TIMP2: variants seen among roughly 807,000 people sequenced by gnomAD.
The protein encoded by TIMP2 is TIMP metallopeptidase inhibitor 2.
In TIMP2, 5 loss-of-function variants were observed where a neutral mutation model predicts 24.3. The observed-to-expected ratio is 0.21, with a 90% CI of 0.11 to 0.43. The LOEUF (loss-of-function observed/expected upper bound fraction) is 0.43. TIMP2 is among the 20% of genes least tolerant of loss of function. TIMP2 has a pLI of 1.00. For missense variants in TIMP2, 221 were observed against 297.5 expected (o/e 0.74, Z 1.89); for synonymous variants, 130 against 123.2 (o/e 1.06, Z -0.37).
intron 1 of TIMP2, among the ~76,000 whole-genome samples, chr17:78,874,316 T>A (rs1162883486): frequency 6.6e-6 from 1 of 151,984 alleles, no homozygotes; most frequent in Non-Finnish European, 1.5e-5. Flanking sequence ...CAGTGGGTAC[T>A]CACTGGTGGC....
Position 78,855,627 on chromosome 17 carries a change from GCT to G in TIMP2, c.*38_*39del. 6.2e-7 allele frequency: 1 copy of G among 1,606,946 alleles called. No homozygotes were observed. Among genetic ancestry groups the G allele is most frequent in the Non-Finnish European group, 8.5e-7 (1 of 1,177,100 alleles). On this transcript the variant is annotated 3_prime_UTR_variant, in exon 5 of 5. Transcript: ENST00000262768. The surrounding 1 kb of genome is among the most constrained non-coding windows in gnomAD (Gnocchi z 6.0). The stretch of plus-strand genomic sequence containing the variant: ...GCTGGACCAGTCGAAACCCTTGGAG[GCT>G]TTTTTTGCAGTTGGCCACAGGGGCG...
intron 3 of TIMP2, among the ~76,000 whole-genome samples, chr17:78,858,762 C>A (rs1363831201): frequency 6.6e-6 from 1 of 152,126 alleles, no homozygotes; most frequent in African/African-American, 2.4e-5. Context: ...TGCGCTCAAG[C>A]AATACCCCCA....
At chr17:78,912,452 G>A (rs2070217528) in intron 1 of TIMP2, among the ~76,000 whole-genome samples, 1 of 152,174 alleles carries the variant, frequency 6.6e-6, no homozygotes. Context: ...TGTCCCTGAA[G>A]ATGCAGTAAG....
chr17:78,911,690 A>G (rs12952509), intron 1 of TIMP2, among the ~76,000 whole-genome samples: 1 of 151,846 alleles, frequency 6.6e-6, no homozygotes, highest in African/African-American at 2.4e-5. Context: ...CTTGGCCTCC[A>G]AAAGTGCTGA....
rs2069709098 is a variant in TIMP2 at position 78,874,091 on chromosome 17, C to A, written c.131-172G>T. 19 of 553,936 alleles carry A rather than the reference C, an allele frequency of 3.4e-5. No individual in the cohort carries two copies. In the South Asian group the frequency reaches 3.4e-4, roughly 10 times the overall value. 34.3% of individuals were successfully genotyped at this position (553,936 alleles called of 1,614,324 possible). On this transcript the variant is annotated intron_variant, in intron 1 of 4. Coordinates refer to ENST00000262768, the MANE Select transcript of TIMP2 (RefSeq NM_003255.5). ...CCCAGCCCCCGGCATGGCGTCTCCTCCTCCAGGCTGAGAGATGATGCCCAG... is the reference window on the plus strand; with the variant it reads ...CCCAGCCCCCGGCATGGCGTCTCCTACTCCAGGCTGAGAGATGATGCCCAG...
intron 1 of TIMP2, among the ~76,000 whole-genome samples, chr17:78,893,240 T>G (rs2069936270): frequency 7.4e-6 from 1 of 134,764 alleles, no homozygotes; most frequent in Admixed American, 7.3e-5. Context: ...TGTGCATGTG[T>G]GTGTAGGAGT....
chr17:78,885,669 T>TGGGTGTGAG lies in TIMP2; in HGVS notation c.131-11759_131-11751dup, dbSNP rs567510999. On this transcript the variant is annotated intron_variant, in intron 1 of 4. Transcript: ENST00000262768. ...TGGTGGGAAGAGAGATGCTGGAAGC[T>TGGGTGTGAG]GGGTGTGAGGGGTGTGAGGGGTGTG... Among the ~76,000 whole-genome samples the TGGGTGTGAG allele has an allele frequency of 4.4e-3, 664 of 151,932 alleles. 6 individuals are homozygous for TGGGTGTGAG. The highest frequency in any genetic ancestry group is 0.03 in the East Asian group (153 of 5,154).
Position 78,855,936 on chromosome 17 carries a change from C to T in TIMP2, c.466-72G>A. The T allele has an allele frequency of 2.0e-6, 3 of 1,494,346 alleles. No homozygotes were observed. The South Asian group carries it at 3.4e-5, about 17-fold the overall frequency. The allele number at this position is 1,494,346 out of a possible 1,614,324, so 92.6% of individuals were successfully genotyped here. A position where few individuals can be genotyped will look rare whatever the true frequency, so the allele number is the denominator to read the frequency against. Reference sequence around the variant, plus strand: ...GGGTGGGCAGAGGCTGCTCTGGGGGCATGTCCAGAACCCGGCAATGTGCCT... The same window carrying T: ...GGGTGGGCAGAGGCTGCTCTGGGGGTATGTCCAGAACCCGGCAATGTGCCT... On this transcript the variant is annotated intron_variant, in intron 4 of 4. Coordinates refer to ENST00000262768, the MANE Select transcript of TIMP2 (RefSeq NM_003255.5). The surrounding 1 kb of genome is among the most constrained non-coding windows in gnomAD (Gnocchi z 6.0).
At chr17:78,871,740 G>C (rs952991976) in intron 2 of TIMP2, among the ~76,000 whole-genome samples, 2 of 151,760 alleles carry the variant, frequency 1.3e-5, no homozygotes, top group African/African-American at 4.8e-5. Flanking sequence ...CAGCTACTCG[G>C]GAGGCTGAGG....
At chr17:78,868,407 C>G (rs534853953) in intron 3 of TIMP2, among the ~76,000 whole-genome samples, 59 of 152,106 alleles carry the variant, frequency 3.9e-4, no homozygotes, top group Non-Finnish European at 6.9e-4. Context: ...CTTGCCACCA[C>G]GCCCAGCTAA....
intron 3 of TIMP2, among the ~76,000 whole-genome samples, chr17:78,861,592 A>C (rs1452963547): frequency 6.6e-6 from 1 of 151,930 alleles, no homozygotes; most frequent in Non-Finnish European, 1.5e-5. Context: ...ATGAAGTGAA[A>C]ATTGTATTTT....
At position 78,893,443 on chromosome 17, in the gene TIMP2, G is replaced by A. The variant is rs1308477329; in HGVS notation, c.131-19524C>T. On this transcript the variant is annotated intron_variant, in intron 1 of 4. Coordinates refer to ENST00000262768, the MANE Select transcript of TIMP2 (RefSeq NM_003255.5). ...GGTGTGTGTGCAGGGGTGTGTGCGTGGGGCTGTGTGTGCAGGGGTGTGTGT... is the reference window on the plus strand; with the variant it reads ...GGTGTGTGTGCAGGGGTGTGTGCGTAGGGCTGTGTGTGCAGGGGTGTGTGT... 2.9e-3 allele frequency among the ~76,000 whole-genome samples: 401 copies of A among 140,520 alleles called. 6 individuals are homozygous for A. The highest frequency in any genetic ancestry group is 8.6e-3 in the African/African-American group (304 of 35,146). The allele number at this position is 140,520 out of a possible 152,430, so 92.2% of individuals were successfully genotyped here.
rs113205945 is a variant in TIMP2, at chr17:78,891,191, G to A, written c.131-17272C>T. On this transcript the variant is annotated intron_variant, in intron 1 of 4. Coordinates refer to ENST00000262768, the MANE Select transcript of TIMP2 (RefSeq NM_003255.5). The surrounding 1 kb of genome is among the most constrained non-coding windows in gnomAD (Gnocchi z 4.5). The stretch of plus-strand genomic sequence containing the variant: ...TCCATTTCTAAACGTGGGCTTGACC[G>A]TGCCCTGATATTTTTGGTTCTGGGC... 16,412 of 1,550,660 alleles carry A rather than the reference G, an allele frequency of 0.011. 116 individuals carry two copies. Among genetic ancestry groups the A allele is most frequent in the Non-Finnish European group, 0.012 (14,128 of 1,147,008 alleles).
In TIMP2 at chr17:78,925,084, C is replaced by T. The variant is rs989894792; in HGVS notation, c.5G>A (p.Gly2Asp). M[G>D]AAARTLRLAL... is the part of the protein sequence containing the mutation. Reference sequence around the variant, plus strand: ...CAGCCGCAGGGTGCGGGCCGCGGCGCCCATGGCGGGCCGGGGGGCTGGGCG... The same window carrying T: ...CAGCCGCAGGGTGCGGGCCGCGGCGTCCATGGCGGGCCGGGGGGCTGGGCG... The change falls in exon 1 of 5, where the codon GGC (glycine) becomes GAC (aspartate). Residue 2 changes from glycine to aspartate, a missense_variant. Coordinates refer to ENST00000262768, the MANE Select transcript of TIMP2 (RefSeq NM_003255.5). 18 of 1,041,920 alleles carry T rather than the reference C, an allele frequency of 1.7e-5. No individual in the cohort carries two copies. The highest frequency in any genetic ancestry group is 3.5e-6 in the Non-Finnish European group (3 of 867,352). The allele number at this position is 1,041,920 out of a possible 1,614,324, so 64.5% of individuals were successfully genotyped here.
At chr17:78,912,326 C>T (rs1356969169) in intron 1 of TIMP2, among the ~76,000 whole-genome samples, 6 of 152,230 alleles carry the variant, frequency 3.9e-5, no homozygotes, top group Admixed American at 3.9e-4. Context: ...CGAGCCTTGG[C>T]AAAGCCTGCC....
intron 1 of TIMP2, among the ~76,000 whole-genome samples, chr17:78,875,735 C>T (rs977271589): frequency 1.3e-5 from 2 of 152,156 alleles, no homozygotes; most frequent in Non-Finnish European, 2.9e-5. Context: ...CCAGCCCCAC[C>T]CCACGTGGTC....
intron 3 of TIMP2, among the ~76,000 whole-genome samples, chr17:78,862,459 C>T (rs1475005283): frequency 1.3e-5 from 2 of 152,228 alleles, no homozygotes; most frequent in Non-Finnish European, 2.9e-5. Context: ...TTAACAGCTT[C>T]ACCCCTGCTC....
At chr17:78,917,603 C>T (rs2070270972) in intron 1 of TIMP2, among the ~76,000 whole-genome samples, 1 of 152,326 alleles carries the variant, frequency 6.6e-6, no homozygotes, top group Admixed American at 6.5e-5. Context: ...CTGGAGTTCC[C>T]TCAGGCCATG....
intron 1 of TIMP2, chr17:78,900,877 C>G (rs1277740785): frequency 6.6e-6 from 1 of 152,264 alleles, no homozygotes; most frequent in Non-Finnish European, 1.5e-5. Flanking sequence ...AGACGCTGGG[C>G]CACCAGAAGG....
Sources: allele counts gnomAD v4.1 joint callset (sites outside exome capture counted in the v4.1 genomes callset), GRCh38; gene constraint gnomAD v4.1.1; non-coding constraint Gnocchi (gnomAD v3.1); transcripts MANE v1.5; gene names NCBI Gene and HGNC (gene_info 2026-07-23, HGNC 2026-07-21).